Variants in TTC29 observed in about 807,000 individuals in gnomAD.
The protein encoded by TTC29 is tetratricopeptide repeat protein 29.
Under a neutral mutation model 58.1 loss-of-function variants are expected in TTC29, and 49 were observed. That is an observed-to-expected ratio of 0.84 (90% CI 0.67 to 1.07). The LOEUF is 1.07. Ranked by LOEUF, TTC29 falls within the 50% of genes least tolerant of loss-of-function variation. The pLI is 0.00. For missense variants in TTC29, 582 were observed against 555.6 expected (o/e 1.05, Z -0.48); for synonymous variants, 209 against 196.8 (o/e 1.06, Z -0.52).
intron 2 of TTC29, among the ~76,000 whole-genome samples, chr4:146,944,816 A>T (rs917112031): frequency 7.2e-5 from 11 of 151,818 alleles, no homozygotes; most frequent in African/African-American, 2.7e-4. Context: ...CCCTAAGTAA[A>T]AAAAAAAACA....
intron 6 of TTC29, among the ~76,000 whole-genome samples, chr4:146,876,703 G>A (rs1211360495): frequency 6.6e-6 from 1 of 152,148 alleles, no homozygotes; most frequent in African/African-American, 2.4e-5. Flanking sequence ...TTGGGAGGCT[G>A]AGGCCTGTGG....
intron 2 of TTC29, among the ~76,000 whole-genome samples, chr4:146,941,768 G>A (rs1736420265): frequency 6.6e-6 from 1 of 152,148 alleles, no homozygotes; most frequent in Admixed American, 6.5e-5. Flanking sequence ...GATCTGACTT[G>A]CATCCTGAAA....
At chr4:146,875,060 A>G (rs1469977716) in intron 6 of TTC29, 132 bp from the exon 7 acceptor site, 3 of 697,702 alleles carry the variant, frequency 4.3e-6, no homozygotes, top group Non-Finnish European at 4.7e-6. Context: ...CTAAGGCTGA[A>G]GATGAATTAA....
intron 5 of TTC29, among the ~76,000 whole-genome samples, chr4:146,908,438 C>A (rs1733672931): frequency 6.6e-6 from 1 of 152,000 alleles, no homozygotes; most frequent in Non-Finnish European, 1.5e-5. Flanking sequence ...TGTATACTAA[C>A]TTTCTGGAAA....
chr4:146,855,192 G>T (rs1729761685), intron 8 of TTC29, among the ~76,000 whole-genome samples: 1 of 152,226 alleles, frequency 6.6e-6, no homozygotes, highest in East Asian at 1.9e-4. Context: ...CAGCACTTTG[G>T]GAGACTGAGG....
chr4:146,755,883 G>T (rs145295526), intron 11 of TTC29, among the ~76,000 whole-genome samples: 9 of 152,094 alleles, frequency 5.9e-5, no homozygotes, highest in Non-Finnish European at 1.2e-4. Flanking sequence ...AACCCCAAAA[G>T]ACTTTTGATC....
chr4:146,757,312 G>T (rs1272708651), intron 11 of TTC29, among the ~76,000 whole-genome samples: 1 of 152,002 alleles, frequency 6.6e-6, no homozygotes, highest in Non-Finnish European at 1.5e-5. Context: ...TCTCTTCTGG[G>T]TCTAGCCACC....
chr4:146,729,866 A>G (rs1744199304), intron 11 of TTC29, among the ~76,000 whole-genome samples: 2 of 152,004 alleles, frequency 1.3e-5, no homozygotes, highest in African/African-American at 4.8e-5. Context: ...ACTGCCCCCA[A>G]GATCAAATCC....
intron 11 of TTC29, among the ~76,000 whole-genome samples, chr4:146,710,608 G>A (rs1162250869): frequency 1.3e-5 from 2 of 152,112 alleles, no homozygotes; most frequent in Non-Finnish European, 2.9e-5. Flanking sequence ...TGCACTATGG[G>A]TCTGACTTAA....
intron 6 of TTC29, among the ~76,000 whole-genome samples, chr4:146,887,546 T>C (rs1732070521): frequency 2.0e-5 from 3 of 152,144 alleles, no homozygotes; most frequent in Admixed American, 2.0e-4. Context: ...CTTATGGCCA[T>C]GGCAAAATTG....
intron 4 of TTC29, among the ~76,000 whole-genome samples, chr4:146,921,994 C>T (rs149648684): frequency 9.2e-4 from 124 of 135,168 alleles, no homozygotes; most frequent in African/African-American, 3.1e-3. Flanking sequence ...GATTTACTTC[C>T]CAATCCTGGA....
chr4:146,940,488 C>G (rs1736278134), intron 2 of TTC29, among the ~76,000 whole-genome samples: 1 of 152,188 alleles, frequency 6.6e-6, no homozygotes, highest in African/African-American at 2.4e-5. Context: ...TTTAAAACAA[C>G]TTTATCTCAC....
At chr4:146,848,968 G>A (rs1393788419) in intron 8 of TTC29, among the ~76,000 whole-genome samples, 3 of 152,150 alleles carry the variant, frequency 2.0e-5, no homozygotes, top group Non-Finnish European at 4.4e-5. Flanking sequence ...CCCAGCCTGG[G>A]GAGCTATATT....
intron 12 of TTC29, 28 bp from the exon 13 acceptor site, chr4:146,707,216 C>A: frequency 7.2e-7 from 1 of 1,397,832 alleles, no homozygotes. Flanking sequence ...ATAAATTTAA[C>A]TTTTATACTG....
In TTC29 at chr4:146,721,966, C is replaced by A. The variant is rs538004011; in HGVS notation, c.1331-14415G>T. On this transcript the variant is annotated intron_variant, in intron 11 of 12. Coordinates refer to ENST00000325106, the MANE Select transcript of TTC29 (RefSeq NM_031956.4). Reference sequence around the variant, plus strand: ...CTGATAAACAACTTCAGTAAAGTTTCAGGATACAAAATCAATGTAAAAAAA... The same window carrying A: ...CTGATAAACAACTTCAGTAAAGTTTAAGGATACAAAATCAATGTAAAAAAA... 3.9e-5 allele frequency among the ~76,000 whole-genome samples: 6 copies of A among 152,246 alleles called. No homozygotes were observed. In the East Asian group the frequency reaches 1.2e-3, roughly 29 times the overall value.
chr4:146,855,566 A>G (rs548377339), intron 8 of TTC29, among the ~76,000 whole-genome samples: 195 of 152,330 alleles, frequency 1.3e-3, no homozygotes, highest in Admixed American at 2.0e-3. Context: ...ATTACTGGGT[A>G]AAAGAGTTTT....
intron 11 of TTC29, among the ~76,000 whole-genome samples, chr4:146,771,082 T>C (rs928678619): frequency 6.6e-6 from 1 of 152,158 alleles, no homozygotes; most frequent in Non-Finnish European, 1.5e-5. Context: ...ACAGAAGCCA[T>C]TGATTAAATA....
At chr4:146,835,908 A>T (rs1728479165) in intron 8 of TTC29, among the ~76,000 whole-genome samples, 1 of 152,136 alleles carries the variant, frequency 6.6e-6, no homozygotes, top group African/African-American at 2.4e-5. Context: ...CTGTGCCATA[A>T]TTCCTGGGAG....
chr4:146,780,037 A>G (rs753043193), intron 11 of TTC29, among the ~76,000 whole-genome samples: 3 of 152,194 alleles, frequency 2.0e-5, no homozygotes, highest in Non-Finnish European at 4.4e-5. Context: ...AGATCTGCAG[A>G]GATTCTCAAA....
Sources: gnomAD v4.1 joint callset for allele counts (sites outside exome capture counted in the v4.1 genomes callset) on GRCh38, gnomAD v4.1.1 for gene constraint, MANE v1.5 for transcripts, NCBI Gene and HGNC (gene_info 2026-07-23, HGNC 2026-07-21) for gene names.